RAB7A: variants seen among roughly 807,000 people sequenced by gnomAD.
The protein encoded by RAB7A is RAB7A, member RAS oncogene family.
In RAB7A, 2 loss-of-function variants were observed where a neutral mutation model predicts 24.5. That is an observed-to-expected ratio of 0.08 (90% CI 0.03 to 0.26). The LOEUF is 0.26. RAB7A is among the 10% of genes least tolerant of loss of function. The pLI, the probability that RAB7A is intolerant of heterozygous loss-of-function variation, is 1.00. For missense variants in RAB7A, 118 were observed against 255.7 expected, an observed-to-expected ratio of 0.46 and a Z score of 3.67; for synonymous variants, 100 against 95.9, an observed-to-expected ratio of 1.04 and a Z score of -0.25.
rs561970338 is a variant in RAB7A at position 128,758,779 on chromosome 3, G to A, written c.-9+32420G>A. On this transcript the variant is annotated intron_variant, in intron 1 of 5. Coordinates refer to ENST00000265062, the MANE Select transcript of RAB7A (RefSeq NM_004637.6). Reference sequence around the variant, plus strand: ...CTGGTTGTGGACAGAACTCTTGAGGGTTCCTTGAACATGATCCTTTGGTAG... The same window carrying A: ...CTGGTTGTGGACAGAACTCTTGAGGATTCCTTGAACATGATCCTTTGGTAG... Among the ~76,000 whole-genome samples, 303 of 152,238 alleles carry A rather than the reference G, an allele frequency of 2.0e-3. 1 individual carries two copies. Among genetic ancestry groups the A allele is most frequent in the African/African-American group, 7.0e-3 (289 of 41,532 alleles).
intron 1 of RAB7A, among the ~76,000 whole-genome samples, chr3:128,772,574 G>A (rs549134771): frequency 1.3e-5 from 2 of 152,298 alleles, no homozygotes; most frequent in South Asian, 4.2e-4. Context: ...TAAGCCTGAT[G>A]CACTTAGAAG....
intron 1 of RAB7A, among the ~76,000 whole-genome samples, chr3:128,751,922 CA>C (rs2070685132): frequency 6.6e-6 from 1 of 152,172 alleles, no homozygotes; most frequent in Non-Finnish European, 1.5e-5. Flanking sequence ...CTGATGGTTA[CA>C]AAAAGGGGAG....
Position 128,782,674 on chromosome 3 carries a change from C to G in RAB7A, c.-8-12686C>G, listed in dbSNP as rs976956125. 1.3e-4 allele frequency among the ~76,000 whole-genome samples: 14 copies of G among 108,902 alleles called. No individual in the cohort carries two copies. The South Asian group carries it at 4.2e-3, about 33-fold the overall frequency. 71.4% of individuals were successfully genotyped at this position (108,902 alleles called of 152,430 possible). A position where few individuals can be genotyped will look rare whatever the true frequency, so the allele number is the denominator to read the frequency against. ...AGAATTTATTGAAACCTGGAAATGG[C>G]GGGGTGGGGGGTGGGGGAAGTGCCC... On this transcript the variant is annotated intron_variant, in intron 1 of 5. Coordinates refer to ENST00000265062, the MANE Select transcript of RAB7A (RefSeq NM_004637.6).
Position 128,813,580 on chromosome 3 carries a change from A to ATC in RAB7A, c.*163_*164dup, listed in dbSNP as rs756987557. On this transcript the variant is annotated 3_prime_UTR_variant, in exon 6 of 6. Coordinates refer to ENST00000265062, the MANE Select transcript of RAB7A (RefSeq NM_004637.6). ...CATCAAACACAGTTACACCCCACAT[A>ATC]TCTCTCACACACACACACACACGCA... 4 of 680,556 alleles carry ATC rather than the reference A, an allele frequency of 5.9e-6. No homozygotes were observed. The highest frequency in any genetic ancestry group is 5.7e-5 in the East Asian group (2 of 35,184). 42.2% of individuals were successfully genotyped at this position (680,556 alleles called of 1,614,324 possible).
At chr3:128,773,122 C>T (rs936496873) in intron 1 of RAB7A, among the ~76,000 whole-genome samples, 4 of 151,934 alleles carry the variant, frequency 2.6e-5, no homozygotes, top group African/African-American at 7.2e-5. Flanking sequence ...TCTTCCCGGC[C>T]GCCATCCCAT....
rs2070814066 is a variant in RAB7A, at chr3:128,764,933, G to C, written c.-8-30427G>C. 5 of 1,593,398 alleles carry C rather than the reference G, an allele frequency of 3.1e-6. No individual in the cohort carries two copies. The African/African-American group carries it at 6.7e-5, about 21-fold the overall frequency. ...GACAGGTAAACGTAGGAGGCGTAGA[G>C]CTCCAGGTTGATCTGGCCGTTGATG... On this transcript the variant is annotated intron_variant, in intron 1 of 5. Coordinates refer to ENST00000265062, the MANE Select transcript of RAB7A (RefSeq NM_004637.6).
rs566105107 is a variant in RAB7A, at chr3:128,799,569, G to A, written c.180+1500G>A. On this transcript the variant is annotated intron_variant, in intron 3 of 5. Transcript: ENST00000265062. ...CCTCGAGCCATGGCATGCTCCTAGA[G>A]GATCAGGACTCTTAATTGACTCACA... is the stretch of plus-strand genomic sequence containing the variant. Among the ~76,000 whole-genome samples, 7 of 152,282 alleles carry A rather than the reference G, an allele frequency of 4.6e-5. No homozygotes were observed. The East Asian group carries it at 1.4e-3, about 29-fold the overall frequency.
At chr3:128,740,009 T>G (rs998225788) in intron 1 of RAB7A, among the ~76,000 whole-genome samples, 1 of 152,020 alleles carries the variant, frequency 6.6e-6, no homozygotes, top group Non-Finnish European at 1.5e-5. Flanking sequence ...GAGGTTGCAG[T>G]GAGCCGAGAT....
At chr3:128,795,500 G>C (rs576275928) in intron 2 of RAB7A, 80 bp downstream of exon 2, 3 of 1,317,224 alleles carry the variant, frequency 2.3e-6, no homozygotes, top group Non-Finnish European at 3.3e-6. Context: ...TGTCCGTGCT[G>C]CCACTTCTTG....
chr3:128,799,425 C>CT (rs1490590105), intron 3 of RAB7A, among the ~76,000 whole-genome samples: 1 of 152,160 alleles, frequency 6.6e-6, no homozygotes, highest in Non-Finnish European at 1.5e-5. Context: ...CTATGTGCTT[C>CT]TAGAGGCAAA....
At chr3:128,789,667 A>G (rs545464659) in intron 1 of RAB7A, among the ~76,000 whole-genome samples, 4 of 152,184 alleles carry the variant, frequency 2.6e-5, no homozygotes, top group African/African-American at 9.6e-5. Context: ...AGTCTTCAGA[A>G]ATCCATGAAG....
intron 1 of RAB7A, among the ~76,000 whole-genome samples, chr3:128,744,174 G>A (rs1189887076): frequency 1.3e-5 from 2 of 152,094 alleles, no homozygotes; most frequent in Non-Finnish European, 2.9e-5. Context: ...GATCACTTGA[G>A]CCCTGCGGTT....
intron 1 of RAB7A, among the ~76,000 whole-genome samples, chr3:128,746,321 A>G (rs1259341243): frequency 6.6e-6 from 1 of 151,890 alleles, no homozygotes; most frequent in African/African-American, 2.4e-5. Context: ...TACCCAGGCT[A>G]GAGTGCAGTG....
In RAB7A at chr3:128,813,614, C is replaced by T. The variant is rs955707632; in HGVS notation, c.*192C>T. The T allele has an allele frequency of 1.5e-5, 9 of 618,190 alleles. No individual in the cohort carries two copies. Among genetic ancestry groups the T allele is most frequent in the Admixed American group, 1.1e-4 (5 of 44,856 alleles). The allele number at this position is 618,190 out of a possible 1,614,324, so 38.3% of individuals were successfully genotyped here. A position where few individuals can be genotyped will look rare whatever the true frequency, so the allele number is the denominator to read the frequency against. On this transcript the variant is annotated 3_prime_UTR_variant, in exon 6 of 6. Coordinates refer to ENST00000265062, the MANE Select transcript of RAB7A (RefSeq NM_004637.6). The stretch of plus-strand genomic sequence containing the variant: ...ACACACACACACACGCACACACACA[C>T]ACACAGATCTGACGTAATCAAACTC...
At chr3:128,764,480 C>T in intron 1 of RAB7A, 2 of 778,130 alleles carry the variant, frequency 2.6e-6, no homozygotes, top group South Asian at 2.7e-5. Flanking sequence ...TTTTCATTAT[C>T]ACTGTCTCCC....
intron 1 of RAB7A, among the ~76,000 whole-genome samples, chr3:128,781,884 G>A (rs1196803232): frequency 2.0e-5 from 3 of 152,086 alleles, no homozygotes; most frequent in Non-Finnish European, 2.9e-5. Flanking sequence ...GCGGTGGCAC[G>A]TGCCTGTAAT....
chr3:128,780,335 C>G (rs919450246), intron 1 of RAB7A, among the ~76,000 whole-genome samples: 3 of 152,164 alleles, frequency 2.0e-5, no homozygotes, highest in Non-Finnish European at 4.4e-5. Flanking sequence ...TATCCAGAAC[C>G]AGCAGGCCAT....
chr3:128,813,607 A>C lies in RAB7A; in HGVS notation c.*185A>C. 1 of 625,922 alleles carries C rather than the reference A, an allele frequency of 1.6e-6. No homozygotes were observed. The highest frequency in any genetic ancestry group is 3.0e-5 in the East Asian group (1 of 33,316). The allele number at this position is 625,922 out of a possible 1,614,324, so 38.8% of individuals were successfully genotyped here. ...CTCTCACACACACACACACACGCAC[A>C]CACACACACACAGATCTGACGTAAT... is the stretch of plus-strand genomic sequence containing the variant. On this transcript the variant is annotated 3_prime_UTR_variant, in exon 6 of 6. Coordinates refer to ENST00000265062, the MANE Select transcript of RAB7A (RefSeq NM_004637.6).
At chr3:128,763,300 C>T (rs990213262) in intron 1 of RAB7A, among the ~76,000 whole-genome samples, 21 of 148,942 alleles carry the variant, frequency 1.4e-4, no homozygotes, top group African/African-American at 4.2e-4. Flanking sequence ...CTGCAAGCTC[C>T]GCCTCCTGGG....
Sources: allele counts gnomAD v4.1 joint callset (sites outside exome capture counted in the v4.1 genomes callset), GRCh38; gene constraint gnomAD v4.1.1; transcripts MANE v1.5; gene names NCBI Gene and HGNC (gene_info 2026-07-23, HGNC 2026-07-21).